The following SFI1 variants were observed in gnomAD, a reference collection of about 807,000 sequenced individuals.
SFI1 encodes SFI1 centrin binding protein.
Under a neutral mutation model 207.5 loss-of-function variants are expected in SFI1, and 195 were observed. That is an observed-to-expected ratio of 0.94 (90% confidence interval 0.84 to 1.06). SFI1 has a LOEUF of 1.06. Ranked by LOEUF, SFI1 falls within the 50% of genes least tolerant of loss-of-function variation. The pLI is 0.00. For missense variants in SFI1, 1,634 were observed against 1,588.0 expected (o/e 1.03, Z -0.49); for synonymous variants, 630 against 598.9 (o/e 1.05, Z -0.76).
In SFI1 at chr22:31,613,697, C is replaced by T; in HGVS notation, c.2838C>T (p.Ala946=). The T allele has an allele frequency of 6.2e-7, 1 of 1,612,282 alleles. No individual in the cohort carries two copies. Among genetic ancestry groups the T allele is most frequent in the Non-Finnish European group, 8.5e-7 (1 of 1,179,390 alleles). The change falls in exon 27 of 33, where the codon GCC becomes GCT. Residue 946 remains alanine, a synonymous_variant. Coordinates refer to ENST00000400288, the MANE Select transcript of SFI1 (RefSeq NM_001007467.3). ...GRGGKPQPLA[A]IAPSRKVTFE... is the part of the protein sequence containing the mutation. Reference sequence around the variant, plus strand: ...GCGGGAAGCCTCAGCCCCTGGCAGCCATCGCACCCAGCAGGAAAGTGACGT... The same window carrying T: ...GCGGGAAGCCTCAGCCCCTGGCAGCTATCGCACCCAGCAGGAAAGTGACGT...
chr22:31,602,409 G>C, intron 16 of SFI1, 116 bp downstream of exon 16: 1 of 1,201,172 alleles, frequency 8.3e-7, no homozygotes, highest in Non-Finnish European at 1.2e-6. Context: ...GCCCCTGCCT[G>C]TGACTGTTGA....
At chr22:31,608,713 T>C (rs1416022855) in intron 22 of SFI1, among the ~76,000 whole-genome samples, 2 of 152,052 alleles carry the variant, frequency 1.3e-5, no homozygotes. Context: ...GATGGGAAAG[T>C]CCTTGCTGCT....
intron 3 of SFI1, chr22:31,529,073 C>G: frequency 2.0e-6 from 1 of 496,682 alleles, no homozygotes; most frequent in Non-Finnish European, 3.6e-6. Context: ...TCCACTTGTG[C>G]CTCACAATAT....
chr22:31,535,431 G>A (rs188736486), intron 4 of SFI1, among the ~76,000 whole-genome samples: 327 of 151,296 alleles, frequency 2.2e-3, no homozygotes, highest in African/African-American at 7.4e-3. Flanking sequence ...CTTGTGATCC[G>A]CCCGCCCTCA....
chr22:31,583,534 A>C (rs948520910), intron 12 of SFI1, among the ~76,000 whole-genome samples: 1 of 152,238 alleles, frequency 6.6e-6, no homozygotes, highest in Non-Finnish European at 1.5e-5. Flanking sequence ...GTTTAGATTG[A>C]AGTTAAACAT....
intron 1 of SFI1, among the ~76,000 whole-genome samples, chr22:31,501,450 G>A (rs1305309844): frequency 6.6e-6 from 1 of 152,126 alleles, no homozygotes; most frequent in East Asian, 1.9e-4. Flanking sequence ...GATTACAGGC[G>A]TGAGTCACCG....
At chr22:31,559,695 A>G (rs2061491473) in intron 7 of SFI1, 4 of 822,194 alleles carry the variant, frequency 4.9e-6, no homozygotes, top group African/African-American at 1.7e-5. Context: ...ACCATTATGC[A>G]GAATCCATGC....
intron 1 of SFI1, among the ~76,000 whole-genome samples, chr22:31,502,751 T>C (rs987031782): frequency 2.6e-5 from 4 of 152,144 alleles, no homozygotes; most frequent in Admixed American, 6.6e-5. Context: ...TTTGGTCTCT[T>C]TTTTATTTGT....
At chr22:31,589,146 G>T (rs1192010428) in intron 14 of SFI1, among the ~76,000 whole-genome samples, 1 of 152,054 alleles carries the variant, frequency 6.6e-6, no homozygotes, top group Non-Finnish European at 1.5e-5. Context: ...AGTGAAACAG[G>T]TAATGGGTAT....
At chr22:31,512,540 G>A (rs1026480781) in intron 2 of SFI1, among the ~76,000 whole-genome samples, 6 of 150,662 alleles carry the variant, frequency 4.0e-5, no homozygotes, top group African/African-American at 7.3e-5. Context: ...TTTTTGAGAC[G>A]GAGTCTCGCC....
intron 2 of SFI1, among the ~76,000 whole-genome samples, chr22:31,519,630 G>T (rs2056971550): frequency 6.6e-6 from 1 of 151,888 alleles, no homozygotes; most frequent in Non-Finnish European, 1.5e-5. Flanking sequence ...TAGAGACAGG[G>T]TTTCACCATG....
At chr22:31,567,811 C>T (rs939325606) in intron 8 of SFI1, among the ~76,000 whole-genome samples, 6 of 151,918 alleles carry the variant, frequency 3.9e-5, no homozygotes, top group South Asian at 4.2e-4. Context: ...CAAACTGAAA[C>T]GAACATATCA....
At chr22:31,541,865 G>A (rs2059533229) in intron 4 of SFI1, among the ~76,000 whole-genome samples, 1 of 151,904 alleles carries the variant, frequency 6.6e-6, no homozygotes, top group Non-Finnish European at 1.5e-5. Context: ...CACTTTGGGA[G>A]GCCGAGGTGG....
intron 6 of SFI1, among the ~76,000 whole-genome samples, chr22:31,556,441 C>T (rs1490661752): frequency 2.6e-5 from 4 of 152,056 alleles, no homozygotes; most frequent in East Asian, 3.9e-4. Flanking sequence ...AGGTTGGTCT[C>T]GAACTCCTGA....
At chr22:31,558,419 G>A (rs897256188) in intron 7 of SFI1, among the ~76,000 whole-genome samples, 3 of 151,312 alleles carry the variant, frequency 2.0e-5, no homozygotes, top group African/African-American at 4.9e-5. Flanking sequence ...TATTTAGCAA[G>A]TATTTCAAAA....
rs77514526 is a variant in SFI1 at position 31,580,548 on chromosome 22, T to C, written c.1248+184T>C. 9.3e-4 allele frequency among the ~76,000 whole-genome samples: 135 copies of C among 145,940 alleles called. No homozygotes were observed. In the South Asian group the frequency reaches 0.02, roughly 21 times the overall value. On this transcript the variant is annotated intron_variant, in intron 12 of 32. Coordinates refer to ENST00000400288, the MANE Select transcript of SFI1 (RefSeq NM_001007467.3). Reference sequence around the variant, plus strand: ...TCTTTCTTTCTTTTCTTTTCTTTTTTTTTTTTTTTTTTTTGAGACAGTCTT... The same window carrying C: ...TCTTTCTTTCTTTTCTTTTCTTTTTCTTTTTTTTTTTTTTGAGACAGTCTT...
intron 27 of SFI1, chr22:31,614,444 CCCT>C: frequency 6.5e-6 from 3 of 458,050 alleles, no homozygotes; most frequent in Non-Finnish European, 8.4e-6. Context: ...GGGTCCCGGT[CCCT>C]GCTGTGCTCC....
intron 1 of SFI1, among the ~76,000 whole-genome samples, chr22:31,499,984 TA>T (rs77752661): frequency 1.3e-3 from 159 of 117,788 alleles, no homozygotes; most frequent in South Asian, 5.9e-3. Flanking sequence ...GACTCCATCT[TA>T]AAAAAAAAAA....
At chr22:31,523,286 T>TTAAGGAGGGCCATTTACAAATGACCATTG (rs1330124215) in intron 2 of SFI1, among the ~76,000 whole-genome samples, 1 of 152,200 alleles carries the variant, frequency 6.6e-6, no homozygotes, top group African/African-American at 2.4e-5. Flanking sequence ...GATTGTCTTG[T>TTAAGGAGGGCCATTTACAAATGACCATTG]TAAGGAGGGC....
Sources: allele counts gnomAD v4.1 joint callset (sites outside exome capture counted in the v4.1 genomes callset), GRCh38; gene constraint gnomAD v4.1.1; transcripts MANE v1.5; gene names NCBI Gene and HGNC (gene_info 2026-07-23, HGNC 2026-07-21).